WDPCP: variants seen among roughly 807,000 people sequenced by gnomAD.
The protein encoded by WDPCP is WD repeat containing planar cell polarity effector, also known as WD repeat-containing and planar cell polarity effector protein fritz homolog.
A neutral mutation model predicts 93.1 loss-of-function variants in WDPCP; 71 were observed. That is an observed-to-expected ratio of 0.76 (90% CI 0.63 to 0.93). The LOEUF (loss-of-function observed/expected upper bound fraction) is 0.93, where lower values mean the gene tolerates loss of function less well. Ranked by LOEUF, WDPCP falls within the 40% of genes least tolerant of loss-of-function variation. The pLI is 0.00. For missense variants in WDPCP, 844 were observed against 887.4 expected (o/e 0.95, Z 0.62); for synonymous variants, 315 against 315.0 (o/e 1.00, Z 0.00).
rs1046039602 is a variant in WDPCP at position 63,287,601 on chromosome 2, G to T, written c.1812+25647C>A. ...TTCTTCTATTTCATTCTGTTTTACA[G>T]TTTTCAATAGATTCCTCACAAACTC... On this transcript the variant is annotated intron_variant, in intron 13 of 17. Coordinates refer to ENST00000272321, the MANE Select transcript of WDPCP (RefSeq NM_015910.7). Among the ~76,000 whole-genome samples the T allele has an allele frequency of 1.2e-4, 18 of 152,240 alleles. 1 individual carries two copies. Among genetic ancestry groups the T allele is most frequent in the African/African-American group, 3.9e-4 (16 of 41,526 alleles).
At chr2:63,380,863 A>G (rs1388392438) in intron 11 of WDPCP, among the ~76,000 whole-genome samples, 1 of 152,200 alleles carries the variant, frequency 6.6e-6, no homozygotes, top group Non-Finnish European at 1.5e-5. Context: ...CTTCCTGGAA[A>G]AGCATGTACT....
intron 3 of WDPCP, among the ~76,000 whole-genome samples, chr2:63,640,813 A>AAAAAATC (rs1709973007): frequency 6.6e-6 from 1 of 152,210 alleles, no homozygotes; most frequent in Non-Finnish European, 1.5e-5. Flanking sequence ...TTTGTGTTAC[A>AAAAAATC]AAAAATCCAA....
chr2:63,351,113 C>T (rs1012275318), intron 12 of WDPCP, among the ~76,000 whole-genome samples: 2 of 152,020 alleles, frequency 1.3e-5, no homozygotes, highest in Non-Finnish European at 2.9e-5. Context: ...TCTCAAGTAG[C>T]TGGGATTACA....
intron 14 of WDPCP, among the ~76,000 whole-genome samples, chr2:63,228,106 T>C (rs1678445603): frequency 6.6e-6 from 1 of 152,126 alleles, no homozygotes; most frequent in Non-Finnish European, 1.5e-5. Context: ...TATGACTTTC[T>C]TAATGAAAAA....
chr2:63,140,806 C>A (rs1470878800), intron 17 of WDPCP, among the ~76,000 whole-genome samples: 3 of 152,116 alleles, frequency 2.0e-5, no homozygotes, highest in Non-Finnish European at 4.4e-5. Flanking sequence ...CCCTTTATTT[C>A]TTTCTCTTGT....
At chr2:63,624,439 C>T (rs1037056447) in intron 3 of WDPCP, among the ~76,000 whole-genome samples, 1 of 151,734 alleles carries the variant, frequency 6.6e-6, no homozygotes, top group South Asian at 2.1e-4. Flanking sequence ...TCTAGCCAGA[C>T]TAATATAGAA....
At chr2:63,180,702 T>C (rs1674176083) in intron 14 of WDPCP, among the ~76,000 whole-genome samples, 1 of 152,168 alleles carries the variant, frequency 6.6e-6, no homozygotes, top group Non-Finnish European at 1.5e-5. Context: ...TAGCCAGTAG[T>C]GGGATTGCTG....
At chr2:63,308,166 AG>A (rs1364377956) in intron 13 of WDPCP, among the ~76,000 whole-genome samples, 4 of 152,380 alleles carry the variant, frequency 2.6e-5, no homozygotes, top group African/African-American at 9.6e-5. Context: ...ACTGGTCATT[AG>A]AGAAATGCAA....
rs1356819747 is a variant in WDPCP at position 63,353,983 on chromosome 2, C to T, written c.1748+24403G>A. Among the ~76,000 whole-genome samples the T allele has an allele frequency of 2.6e-5, 4 of 152,154 alleles. No homozygotes were observed. The East Asian group carries it at 7.7e-4, about 29-fold the overall frequency. On this transcript the variant is annotated intron_variant, in intron 12 of 17. Transcript: ENST00000272321. ...GTCATCCCCTGCCAGAGCTATTGAG[C>T]CAGTAGCAAGTCAGCAACTCCCTGA... is the stretch of plus-strand genomic sequence containing the variant.
At chr2:63,501,028 C>T (rs1021694356) in intron 1 of WDPCP, among the ~76,000 whole-genome samples, 2 of 152,138 alleles carry the variant, frequency 1.3e-5, no homozygotes, top group Non-Finnish European at 2.9e-5. Context: ...AAGCCTAGGA[C>T]ACTTTTTCAA....
At chr2:63,370,797 C>T (rs1691311330) in intron 12 of WDPCP, among the ~76,000 whole-genome samples, 1 of 151,872 alleles carries the variant, frequency 6.6e-6, no homozygotes, top group African/African-American at 2.4e-5. Flanking sequence ...ATAAATTGTT[C>T]ATTGTATTCC....
intron 2 of WDPCP, among the ~76,000 whole-genome samples, chr2:63,728,283 T>C (rs578118877): frequency 1.2e-4 from 19 of 152,242 alleles, no homozygotes; most frequent in Non-Finnish European, 2.4e-4. Context: ...TTTCAGAAAC[T>C]GGACCCACAT....
intron 13 of WDPCP, among the ~76,000 whole-genome samples, chr2:63,298,433 C>A (rs1204334307): frequency 6.6e-6 from 1 of 151,842 alleles, no homozygotes; most frequent in Non-Finnish European, 1.5e-5. Flanking sequence ...GGAAGACCCA[C>A]CCACAATGTG....
intron 2 of WDPCP, among the ~76,000 whole-genome samples, chr2:63,718,880 C>T (rs542857113): frequency 6.6e-6 from 1 of 152,002 alleles, no homozygotes; most frequent in African/African-American, 2.4e-5. Context: ...TACTGTTAGA[C>T]AAAATAATAT....
chr2:63,207,486 C>T (rs1454096205), intron 14 of WDPCP, among the ~76,000 whole-genome samples: 4 of 152,106 alleles, frequency 2.6e-5, no homozygotes, highest in Non-Finnish European at 5.9e-5. Context: ...ATAAATTACC[C>T]AGTCTCTGGT....
At chr2:63,265,644 T>G (rs1397662170) in intron 13 of WDPCP, among the ~76,000 whole-genome samples, 1 of 152,178 alleles carries the variant, frequency 6.6e-6, no homozygotes, top group Non-Finnish European at 1.5e-5. Context: ...GAAGAGGACG[T>G]ACTTCCAAAC....
chr2:63,689,477 C>T (rs765265109), intron 2 of WDPCP, among the ~76,000 whole-genome samples: 131 of 152,070 alleles, frequency 8.6e-4, no homozygotes, highest in East Asian at 9.6e-4. Flanking sequence ...GTAATTGTGA[C>T]GGATAGTTCT....
At chr2:63,735,183 G>A (rs554352787) in intron 2 of WDPCP, among the ~76,000 whole-genome samples, 1 of 152,250 alleles carries the variant, frequency 6.6e-6, no homozygotes, top group South Asian at 2.1e-4. Flanking sequence ...AATATAGAGT[G>A]GAAGTGATAG....
intron 10 of WDPCP, among the ~76,000 whole-genome samples, chr2:63,397,525 A>C (rs1483745884): frequency 6.6e-6 from 1 of 152,134 alleles, no homozygotes; most frequent in East Asian, 1.9e-4. Context: ...AAACCTGCAC[A>C]AAGTGAGGGC....
Sources: allele counts gnomAD v4.1 joint callset (sites outside exome capture counted in the v4.1 genomes callset), GRCh38; gene constraint gnomAD v4.1.1; transcripts MANE v1.5; gene names NCBI Gene and HGNC (gene_info 2026-07-23, HGNC 2026-07-21).